SIRPD: variants seen among roughly 807,000 people sequenced by gnomAD.
The protein encoded by SIRPD is signal regulatory protein delta.
In SIRPD, 21 loss-of-function variants were observed where a neutral mutation model predicts 18.0. That is an observed-to-expected ratio of 1.17 (90% CI 0.83 to 1.68). The LOEUF is 1.68. Among genes scored for constraint, SIRPD ranks in the 40% most tolerant of loss-of-function variants. The probability of loss-of-function intolerance (pLI) is 0.00; values close to 1 mark genes in which losing one functional copy is unlikely to be tolerated. For missense variants in SIRPD, 295 were observed against 238.4 expected, an observed-to-expected ratio of 1.24 and a Z score of -1.56; for synonymous variants, 106 against 92.9, an observed-to-expected ratio of 1.14 and a Z score of -0.81.
chr20:1,541,719 T>C (rs1360877680), intron 2 of SIRPD, among the ~76,000 whole-genome samples: 1 of 152,260 alleles, frequency 6.6e-6, no homozygotes, highest in Non-Finnish European at 1.5e-5. Context: ...TGCCCATGCC[T>C]ATGTCCTGAA....
At chr20:1,548,669 A>G (rs1456839730) in intron 2 of SIRPD, among the ~76,000 whole-genome samples, 3 of 151,888 alleles carry the variant, frequency 2.0e-5, no homozygotes, top group Non-Finnish European at 2.9e-5. Context: ...ATGCTCCATT[A>G]TTTTTGGGCC....
chr20:1,535,324 A>G (rs1010769232), intron 3 of SIRPD, among the ~76,000 whole-genome samples: 2 of 152,180 alleles, frequency 1.3e-5, no homozygotes, highest in African/African-American at 4.8e-5. Context: ...TGCCTCCTCT[A>G]TTGCTTGATT....
At chr20:1,552,158 G>T in intron 1 of SIRPD, 120 bp from the exon 2 acceptor site, 1 of 794,970 alleles carries the variant, frequency 1.3e-6, no homozygotes, top group South Asian at 1.8e-5. Flanking sequence ...CCCATGCATT[G>T]AGTAAAGAGA....
At chr20:1,552,533 A>G (rs1209938543) in intron 1 of SIRPD, among the ~76,000 whole-genome samples, 2 of 152,088 alleles carry the variant, frequency 1.3e-5, no homozygotes, top group Non-Finnish European at 2.9e-5. Flanking sequence ...ACAATTAAAG[A>G]ATGAGGTGGT....
chr20:1,540,270 G>A (rs2090965370), intron 2 of SIRPD: 2 of 456,002 alleles, frequency 4.4e-6, no homozygotes, highest in Non-Finnish European at 8.8e-6. Context: ...GAGCAGTTCT[G>A]CTGATGCCTT....
At chr20:1,537,517 G>A (rs1293651155) in intron 2 of SIRPD, among the ~76,000 whole-genome samples, 1 of 152,170 alleles carries the variant, frequency 6.6e-6, no homozygotes, top group East Asian at 1.9e-4. Flanking sequence ...TGTCCTTTGG[G>A]CCCCTCACTT....
chr20:1,540,484 T>C (rs1168265061), intron 2 of SIRPD: 1 of 348,554 alleles, frequency 2.9e-6, no homozygotes, highest in Non-Finnish European at 5.6e-6. Flanking sequence ...TTTTATCATC[T>C]CAAAAAAGAC....
intron 2 of SIRPD, among the ~76,000 whole-genome samples, chr20:1,541,311 C>T (rs973683123): frequency 4.6e-5 from 7 of 152,174 alleles, no homozygotes; most frequent in Admixed American, 3.3e-4. Flanking sequence ...TGTTTCCTGA[C>T]TTTTTAATGA....
At chr20:1,537,509 T>C (rs2256240) in intron 2 of SIRPD, among the ~76,000 whole-genome samples, 199 bp from the exon 3 acceptor site, 64,536 of 152,082 alleles carry the variant, frequency 0.42, 15,487 homozygotes, top group Non-Finnish European at 0.55. Flanking sequence ...CTAGGCTGTG[T>C]CCTTTGGGCC....
chr20:1,556,975 A>T (rs371725480), intron 1 of SIRPD, among the ~76,000 whole-genome samples: 1 of 152,346 alleles, frequency 6.6e-6, no homozygotes, highest in Non-Finnish European at 1.5e-5. Flanking sequence ...GCCAGGGGCC[A>T]GGTGTGGTGG....
intron 1 of SIRPD, 157 bp downstream of exon 1, chr20:1,557,424 G>T: frequency 1.5e-5 from 8 of 521,790 alleles, no homozygotes; most frequent in East Asian, 3.8e-5. Flanking sequence ...TGTCAGAATT[G>T]GGGACCATCC....
At chr20:1,545,797 T>A (rs1348456272) in intron 2 of SIRPD, among the ~76,000 whole-genome samples, 1 of 152,190 alleles carries the variant, frequency 6.6e-6, no homozygotes, top group African/African-American at 2.4e-5. Context: ...CTGATGGGAT[T>A]TTTGCATGCT....
chr20:1,540,646 T>C (rs993940778), intron 2 of SIRPD, among the ~76,000 whole-genome samples: 1 of 152,212 alleles, frequency 6.6e-6, no homozygotes, highest in African/African-American at 2.4e-5. Context: ...AAAAATTGAT[T>C]TTTTAAATTA....
At chr20:1,536,314 G>T (rs2090945004) in intron 3 of SIRPD, among the ~76,000 whole-genome samples, 1 of 151,430 alleles carries the variant, frequency 6.6e-6, no homozygotes, top group African/African-American at 2.4e-5. Flanking sequence ...TCACAGACAA[G>T]AAAACAGAGG....
chr20:1,542,393 A>C (rs1004679922), intron 2 of SIRPD, among the ~76,000 whole-genome samples: 1 of 151,972 alleles, frequency 6.6e-6, no homozygotes, highest in Non-Finnish European at 1.5e-5. Context: ...TTATTCTCTT[A>C]GTAGCAATTG....
intron 2 of SIRPD, 105 bp downstream of exon 2, chr20:1,551,586 C>T (rs1296992281): frequency 5.8e-6 from 5 of 860,574 alleles, no homozygotes; most frequent in African/African-American, 5.1e-5. Flanking sequence ...GTATGTTGTA[C>T]CTTCAATAAT....
At chr20:1,548,462 A>T (rs2091003912) in intron 2 of SIRPD, among the ~76,000 whole-genome samples, 1 of 152,170 alleles carries the variant, frequency 6.6e-6, no homozygotes, top group South Asian at 2.1e-4. Flanking sequence ...GATAAATCCC[A>T]CTTGGTCAAC....
rs1424815079 is a variant in SIRPD at position 1,551,855 on chromosome 20, A to G, written c.257T>C (p.Val86Ala). Residue 86 changes from valine (V) to alanine (A), a missense_variant, in exon 2 of 4, where the codon GTA (valine) becomes GCA (alanine). By Grantham distance (64) the Val-to-Ala change is moderately conservative. Transcript: ENST00000381623. ...YNFKQGNFPR[V>A]KEIGDTTKPG... ...CTTGGTGGTGTCTCCAATCTCTTTT[A>G]CTCTGGGAAAGTTACCTTGTTTGAA... 2 of 1,613,956 alleles carry G rather than the reference A, an allele frequency of 1.2e-6. No individual in the cohort carries two copies. The highest frequency in any genetic ancestry group is 1.7e-6 in the Non-Finnish European group (2 of 1,179,962).
intron 2 of SIRPD, among the ~76,000 whole-genome samples, chr20:1,544,876 CT>C (rs961175785): frequency 1.3e-5 from 2 of 152,152 alleles, no homozygotes; most frequent in Admixed American, 6.5e-5. Context: ...ATTTATGAAG[CT>C]TTTTTTGGCT....
Sources: gnomAD v4.1 joint callset for allele counts (sites outside exome capture counted in the v4.1 genomes callset) on GRCh38, gnomAD v4.1.1 for gene constraint, MANE v1.5 for transcripts, NCBI Gene and HGNC (gene_info 2026-07-23, HGNC 2026-07-21) for gene names.